THSD7B: variants seen among roughly 807,000 people sequenced by gnomAD.
THSD7B encodes thrombospondin type 1 domain containing 7B.
In THSD7B, 138 loss-of-function variants were observed where a neutral mutation model predicts 213.6. The ratio of observed to expected loss-of-function variants is 0.65; its 90% confidence interval spans 0.56 to 0.74. The LOEUF (loss-of-function observed/expected upper bound fraction) is 0.74, where lower values mean the gene tolerates loss of function less well. Ranked by LOEUF, THSD7B falls within the 30% of genes least tolerant of loss-of-function variation. The probability of loss-of-function intolerance (pLI) is 0.00; values close to 1 mark genes in which losing one functional copy is unlikely to be tolerated. For synonymous variants in THSD7B, 742 were observed against 687.0 expected, an observed-to-expected ratio of 1.08 and a Z score of -1.25; for missense variants, 1,931 against 1,991.5, an observed-to-expected ratio of 0.97 and a Z score of 0.58.
At chr2:137,500,227 T>C (rs1160939758) in intron 15 of THSD7B, among the ~76,000 whole-genome samples, 1 of 152,194 alleles carries the variant, frequency 6.6e-6, no homozygotes, top group African/African-American at 2.4e-5. Flanking sequence ...ATGAAACCTA[T>C]CTGAGTGCAT....
chr2:137,327,579 C>G (rs1016820782), intron 12 of THSD7B, among the ~76,000 whole-genome samples: 19 of 151,984 alleles, frequency 1.3e-4, no homozygotes, highest in African/African-American at 4.6e-4. Context: ...TTTGTACTCC[C>G]CATCTTGCTT....
chr2:137,362,215 C>A (rs530409887), intron 12 of THSD7B, among the ~76,000 whole-genome samples: 2 of 152,110 alleles, frequency 1.3e-5, no homozygotes, highest in Non-Finnish European at 2.9e-5. Flanking sequence ...GCCTGCCTTA[C>A]GAGAACTCCT....
At chr2:136,900,523 A>G (rs903420747) in intron 2 of THSD7B, among the ~76,000 whole-genome samples, 5 of 152,188 alleles carry the variant, frequency 3.3e-5, no homozygotes, top group East Asian at 1.9e-4. Context: ...CAGTTTCAAC[A>G]TTGTAGCTGT....
At chr2:137,241,786 G>A (rs1681911470) in intron 9 of THSD7B, among the ~76,000 whole-genome samples, 1 of 152,020 alleles carries the variant, frequency 6.6e-6, no homozygotes, top group South Asian at 2.1e-4. Flanking sequence ...TGGTGCACCT[G>A]TAATCCCAGC....
At chr2:136,807,000 T>G (rs1006405704) in intron 1 of THSD7B, among the ~76,000 whole-genome samples, 3 of 152,218 alleles carry the variant, frequency 2.0e-5, no homozygotes, top group Non-Finnish European at 4.4e-5. Flanking sequence ...ACCACTGAGG[T>G]GAAGTGCTCT....
intron 15 of THSD7B, among the ~76,000 whole-genome samples, chr2:137,531,604 T>C (rs1001418667): frequency 6.6e-6 from 1 of 151,966 alleles, no homozygotes; most frequent in Non-Finnish European, 1.5e-5. Flanking sequence ...ATTGGGGTAA[T>C]TAACCAAGGG....
At chr2:137,275,039 A>G (rs914161518) in intron 11 of THSD7B, among the ~76,000 whole-genome samples, 2 of 152,080 alleles carry the variant, frequency 1.3e-5, no homozygotes, top group Non-Finnish European at 2.9e-5. Context: ...ACTAAGTGAA[A>G]GAGCAGAATC....
chr2:137,219,283 T>C lies in THSD7B; in HGVS notation c.1724-11761T>C, dbSNP rs548178366. On this transcript the variant is annotated intron_variant, in intron 7 of 27. Coordinates refer to ENST00000409968, the MANE Select transcript of THSD7B (RefSeq NM_001316349.2). ...AACACTGTGGTTATCCTCTGAGAAT[T>C]ACACAGTCAGTGATGTTTGCCTGCC... 7.2e-5 allele frequency among the ~76,000 whole-genome samples: 11 copies of C among 152,246 alleles called. No homozygotes were observed. In the South Asian group the frequency reaches 2.3e-3, roughly 32 times the overall value.
chr2:137,404,474 T>TATATAC (rs1306580538), intron 12 of THSD7B, among the ~76,000 whole-genome samples: 4 of 40,260 alleles, frequency 9.9e-5, no homozygotes, highest in African/African-American at 1.3e-4. Context: ...TATATATATA[T>TATATAC]ACACACACAC....
At chr2:137,129,352 T>A (rs975793479) in intron 5 of THSD7B, among the ~76,000 whole-genome samples, 1 of 152,116 alleles carries the variant, frequency 6.6e-6, no homozygotes, top group Admixed American at 6.5e-5. Flanking sequence ...GCAGTCAATG[T>A]TATTTGTTCT....
Position 137,109,333 on chromosome 2 carries a change from C to T in THSD7B, c.1200-5791C>T, listed in dbSNP as rs550388052. 4.1e-4 allele frequency among the ~76,000 whole-genome samples: 63 copies of T among 152,280 alleles called. 1 individual carries two copies. Among genetic ancestry groups the T allele is most frequent in the African/African-American group, 1.5e-3 (61 of 41,556 alleles). ...ACAATCTATCCTCTGGCCCAGTGTTCAAGCTTTCTGGTACCAGTGACCAGT... is the reference window on the plus strand; with the variant it reads ...ACAATCTATCCTCTGGCCCAGTGTTTAAGCTTTCTGGTACCAGTGACCAGT... On this transcript the variant is annotated intron_variant, in intron 4 of 27. Coordinates refer to ENST00000409968, the MANE Select transcript of THSD7B (RefSeq NM_001316349.2).
chr2:137,340,503 A>G (rs537790657), intron 12 of THSD7B, among the ~76,000 whole-genome samples: 2 of 151,976 alleles, frequency 1.3e-5, no homozygotes, highest in African/African-American at 4.8e-5. Context: ...TATATTCACC[A>G]TGCTGTGCAA....
At chr2:136,855,638 T>C (rs990757009) in intron 1 of THSD7B, among the ~76,000 whole-genome samples, 5 of 151,286 alleles carry the variant, frequency 3.3e-5, no homozygotes, top group Non-Finnish European at 7.4e-5. Flanking sequence ...TATTTATTTA[T>C]TTTTTGTATT....
At chr2:137,023,204 C>T (rs1379001377) in intron 2 of THSD7B, among the ~76,000 whole-genome samples, 1 of 152,168 alleles carries the variant, frequency 6.6e-6, no homozygotes, top group Non-Finnish European at 1.5e-5. Context: ...GAAGCTGCTA[C>T]CATTCCTAGA....
At chr2:137,101,401 G>A (rs1277625180) in intron 4 of THSD7B, among the ~76,000 whole-genome samples, 1 of 152,148 alleles carries the variant, frequency 6.6e-6, no homozygotes, top group Non-Finnish European at 1.5e-5. Flanking sequence ...TTAATAAATG[G>A]TTGTCAGATA....
intron 15 of THSD7B, among the ~76,000 whole-genome samples, chr2:137,451,317 G>GAT (rs1404062043): frequency 6.6e-6 from 1 of 151,012 alleles, no homozygotes; most frequent in Non-Finnish European, 1.5e-5. Context: ...TTAAAAGTTG[G>GAT]ATATATATAT....
At chr2:137,249,468 A>G (rs529443187) in intron 10 of THSD7B, among the ~76,000 whole-genome samples, 10 of 152,254 alleles carry the variant, frequency 6.6e-5, no homozygotes, top group African/African-American at 2.4e-4. Flanking sequence ...AATCCAAGTA[A>G]TATCTGGTAG....
chr2:137,211,919 G>A (rs1409658924), intron 7 of THSD7B, among the ~76,000 whole-genome samples: 1 of 151,988 alleles, frequency 6.6e-6, no homozygotes, highest in Non-Finnish European at 1.5e-5. Context: ...AAATGAATCT[G>A]TACCAGATAT....
chr2:137,266,393 A>G (rs1682590315), intron 10 of THSD7B, among the ~76,000 whole-genome samples: 1 of 152,220 alleles, frequency 6.6e-6, no homozygotes, highest in African/African-American at 2.4e-5. Context: ...ATTAATCATA[A>G]AAAGCATTGG....
Sources: allele counts gnomAD v4.1 joint callset (sites outside exome capture counted in the v4.1 genomes callset), GRCh38; gene constraint gnomAD v4.1.1; transcripts MANE v1.5; gene names NCBI Gene and HGNC (gene_info 2026-07-23, HGNC 2026-07-21).